POSTN: variants seen among roughly 807,000 people sequenced by gnomAD.
The protein encoded by POSTN is osteoblast specific factor 2 (fasciclin I-like).
In POSTN, 71 loss-of-function variants were observed where a neutral mutation model predicts 104.5. That is an observed-to-expected ratio of 0.68 (90% CI 0.56 to 0.83). POSTN has a LOEUF of 0.83. Ranked by LOEUF, POSTN falls within the 40% of genes least tolerant of loss-of-function variation. POSTN has a pLI of 0.00. For synonymous variants in POSTN, 355 were observed against 340.7 expected (o/e 1.04, Z -0.46); for missense variants, 949 against 1,006.8 (o/e 0.94, Z 0.78).
chr13:37,574,204 A>T (rs1950339017), intron 17 of POSTN, among the ~76,000 whole-genome samples: 1 of 151,634 alleles, frequency 6.6e-6, no homozygotes, highest in Admixed American at 6.6e-5. Flanking sequence ...GTTATAAGAA[A>T]GAACATGTGG....
At chr13:37,570,724 A>C in intron 18 of POSTN, 55 bp from the exon 19 acceptor site, 1 of 1,053,120 alleles carries the variant, frequency 9.5e-7, no homozygotes, top group Non-Finnish European at 1.5e-6. Flanking sequence ...GTGACTATAC[A>C]TCCATAAGCT....
At chr13:37,569,414 G>T in intron 20 of POSTN, 31 bp from the exon 21 acceptor site, 2 of 1,529,576 alleles carry the variant, frequency 1.3e-6, no homozygotes, top group Non-Finnish European at 1.8e-6. Context: ...AGCAGAAATT[G>T]GTTTATATAA....
chr13:37,575,781 G>A (rs2138226733), intron 16 of POSTN, among the ~76,000 whole-genome samples: 1 of 152,226 alleles, frequency 6.6e-6, no homozygotes. Context: ...CATAGACCCT[G>A]TGTTTCAGCC....
rs750785660 is a variant in POSTN, at chr13:37,582,440, G to A, written c.1318C>T (p.Leu440Phe). Residue 440 changes from leucine to phenylalanine, a missense_variant, in exon 10 of 23, where the codon CTT becomes TTT. By Grantham distance (22) the Leu-to-Phe change is conservative. Transcript: ENST00000379747. ...QNHILKVKVG[L>F]NELYNGQILE... ...ATTTGCCCGTTGTAAAGCTCATTAA[G>A]GCCAACTTTTACTTTCAATATGTGA... 13 of 1,613,720 alleles carry A rather than the reference G, an allele frequency of 8.1e-6. No individual in the cohort carries two copies. The Admixed American group carries it at 1.8e-4, about 23-fold the overall frequency.
Position 37,582,497 on chromosome 13 carries a change from C to A in POSTN, c.1261G>T (p.Asp421Tyr). The A allele has an allele frequency of 6.2e-7, 1 of 1,609,382 alleles. No individual in the cohort carries two copies. The highest frequency in any genetic ancestry group is 8.5e-7 in the Non-Finnish European group (1 of 1,178,424). ...AGAATTAATTTAAGGAGGCGCTGAT[C>A]CATGCTGAGAGTATCATCTGTAAAT... The part of the protein sequence containing the change: ...NAFSDDTLSM[D>Y]QRLLKLILQN... Residue 421 changes from aspartate (D) to tyrosine (Y), a missense_variant, in exon 10 of 23, where the codon GAT becomes TAT. Coordinates refer to ENST00000379747, the MANE Select transcript of POSTN (RefSeq NM_006475.3).
Position 37,578,850 on chromosome 13 carries a change from T to G in POSTN, c.1956A>C (p.Gln652His), listed in dbSNP as rs760711875. Residue 652 changes from glutamine to histidine, a missense_variant, in exon 15 of 23, where the codon CAA becomes CAC. Transcript: ENST00000379747. ...ATCAAGTAACTTTTAGTACCTTAAT[T>G]TGGATGTATTTGATTAATTTATTAA... The part of the protein sequence containing the change: ...EILNKLIKYI[Q>H]IKFVRGSTFK... The G allele has an allele frequency of 1.9e-6, 3 of 1,576,030 alleles. No homozygotes were observed. In the East Asian group the frequency reaches 6.7e-5, roughly 35 times the overall value.
chr13:37,582,848 ATC>A (rs1171331809), intron 9 of POSTN, among the ~76,000 whole-genome samples: 1 of 152,218 alleles, frequency 6.6e-6, no homozygotes, highest in Non-Finnish European at 1.5e-5. Context: ...ATAATTAGAT[ATC>A]TGTTAGTCAC....
At chr13:37,586,093 T>C in intron 7 of POSTN, 46 bp downstream of exon 7, 1 of 1,531,912 alleles carries the variant, frequency 6.5e-7, no homozygotes, top group Non-Finnish European at 8.8e-7. Flanking sequence ...TTTATTCCCT[T>C]CTCAGAATGC....
At position 37,597,092 on chromosome 13, in the gene POSTN, CAAG is replaced by C. The variant is rs1951105915; in HGVS notation, c.218+89_218+91del. 9.0e-6 allele frequency: 7 copies of C among 776,728 alleles called. No homozygotes were observed. The Admixed American group carries it at 2.1e-4, about 24-fold the overall frequency. 48.1% of individuals were successfully genotyped at this position (776,728 alleles called of 1,614,324 possible). A position where few individuals can be genotyped will look rare whatever the true frequency, so the allele number is the denominator to read the frequency against. On this transcript the variant is annotated intron_variant, in intron 2 of 22. Coordinates refer to ENST00000379747, the MANE Select transcript of POSTN (RefSeq NM_006475.3). Reference sequence around the variant, plus strand: ...CTCTCACAATTTTGGTCAGTATTTTCAAGAAGAATGGTGTGTACACCCAGGGGA... The same window carrying C: ...CTCTCACAATTTTGGTCAGTATTTTCAAGAATGGTGTGTACACCCAGGGGA...
In POSTN at chr13:37,586,267, G is replaced by A. The variant is rs1950742161; in HGVS notation, c.767C>T (p.Thr256Ile). The A allele has an allele frequency of 1.9e-6, 3 of 1,610,384 alleles. No individual in the cohort carries two copies. Among genetic ancestry groups the A allele is most frequent in the Non-Finnish European group, 2.5e-6 (3 of 1,178,680 alleles). ...TCCAAGGGCCTCCAATATGTCCGAT[G>A]TGATGGCAGCTGCCTGAAACACAAA... Reference protein sequence around the residue: ...DLSSFRAAAITSDILEALGRD... With the variant: ...DLSSFRAAAIISDILEALGRD... The change falls in exon 7 of 23, where the codon ACA becomes ATA. Residue 256 changes from threonine to isoleucine, a missense_variant. Thr to Ile is a moderately conservative substitution (Grantham distance 89, BLOSUM62 -1). Transcript: ENST00000379747.
intron 18 of POSTN, 143 bp downstream of exon 18, chr13:37,571,226 C>A: frequency 1.7e-6 from 1 of 587,768 alleles, no homozygotes; most frequent in Non-Finnish European, 2.9e-6. Context: ...CTAATAAGAA[C>A]TCATAGCTGA....
intron 20 of POSTN, 152 bp from the exon 21 acceptor site, chr13:37,569,535 T>G (rs1950202086): frequency 2.5e-6 from 2 of 803,548 alleles, no homozygotes; most frequent in Non-Finnish European, 4.3e-6. Context: ...TCTGACATAC[T>G]AATATTCTTA....
chr13:37,579,167 T>C, intron 13 of POSTN, 46 bp from the exon 14 acceptor site: 1 of 1,602,568 alleles, frequency 6.2e-7, no homozygotes, highest in Non-Finnish European at 8.5e-7. Flanking sequence ...TCATTAAGGA[T>C]GAATATTTAG....
chr13:37,564,181 C>CTTGT (rs1397805323), intron 22 of POSTN, among the ~76,000 whole-genome samples: 2,859 of 47,914 alleles, frequency 0.06, 62 homozygotes, highest in East Asian at 0.19. Flanking sequence ...CAAAACATTA[C>CTTGT]ATATATATAT....
intron 3 of POSTN, 105 bp downstream of exon 3, chr13:37,591,994 TA>T (rs1284105178): frequency 6.6e-5 from 43 of 647,256 alleles, no homozygotes; most frequent in Admixed American, 3.4e-4. Flanking sequence ...ATCTTGGATT[TA>T]GGATGGTGCT....
chr13:37,567,644 G>A (rs1344036418), intron 21 of POSTN, among the ~76,000 whole-genome samples: 1 of 151,956 alleles, frequency 6.6e-6, no homozygotes, highest in Non-Finnish European at 1.5e-5. Flanking sequence ...AGTTGACGTG[G>A]CATTGTGAAA....
chr13:37,575,049 A>G (rs1031732550), intron 16 of POSTN, among the ~76,000 whole-genome samples: 3 of 152,048 alleles, frequency 2.0e-5, no homozygotes, highest in African/African-American at 7.2e-5. Flanking sequence ...GCATTGCTGG[A>G]TTCTTTCTCA....
At chr13:37,577,584 G>A (rs1284194758) in intron 16 of POSTN, among the ~76,000 whole-genome samples, 169 bp downstream of exon 16, 1 of 152,104 alleles carries the variant, frequency 6.6e-6, no homozygotes, top group Non-Finnish European at 1.5e-5. Flanking sequence ...GTTCATTGGA[G>A]TTGAAGGTTA....
intron 2 of POSTN, among the ~76,000 whole-genome samples, chr13:37,596,374 G>C (rs9576313): frequency 0.29 from 43,443 of 151,972 alleles, 6,735 homozygotes; most frequent in Non-Finnish European, 0.35. Flanking sequence ...CTCCCTCATT[G>C]TAAAATAAAG....
Sources: allele counts gnomAD v4.1 joint callset (sites outside exome capture counted in the v4.1 genomes callset), GRCh38; gene constraint gnomAD v4.1.1; transcripts MANE v1.5; gene names NCBI Gene and HGNC (gene_info 2026-07-23, HGNC 2026-07-21).